MECOM: variants seen among roughly 807,000 people sequenced by gnomAD.
MECOM encodes the protein histone-lysine N-methyltransferase MECOM.
In MECOM, 13 loss-of-function variants were observed where a neutral mutation model predicts 116.3. The ratio of observed to expected loss-of-function variants is 0.11; its 90% CI spans 0.07 to 0.18. The LOEUF is 0.18. Ranked by LOEUF, MECOM falls within the 10% of genes least tolerant of loss-of-function variation. The pLI is 1.00. For synonymous variants in MECOM, 528 were observed against 535.2 expected, an observed-to-expected ratio of 0.99 and a Z score of 0.19; for missense variants, 1,299 against 1,509.0, an observed-to-expected ratio of 0.86 and a Z score of 2.31.
At chr3:169,085,430 C>A (rs1717351284) in intron 16 of MECOM, among the ~76,000 whole-genome samples, 1 of 152,104 alleles carries the variant, frequency 6.6e-6, no homozygotes, top group South Asian at 2.1e-4. Context: ...AAGATATAGA[C>A]CTACCTTGAC....
intron 2 of MECOM, among the ~76,000 whole-genome samples, chr3:169,320,621 G>A (rs1720687062): frequency 6.6e-6 from 1 of 152,222 alleles, no homozygotes; most frequent in African/African-American, 2.4e-5. Context: ...TGGTCCACCA[G>A]TGGAAGAACC....
At chr3:169,477,138 T>TATATATAC (rs1750604751) in intron 1 of MECOM, 1 of 91,598 alleles carries the variant, frequency 1.1e-5, no homozygotes, top group Non-Finnish European at 2.0e-5. Flanking sequence ...TATATATATA[T>TATATATAC]ATATATATAT....
intron 1 of MECOM, among the ~76,000 whole-genome samples, chr3:169,596,553 A>G (rs921083319): frequency 2.6e-5 from 4 of 152,230 alleles, no homozygotes; most frequent in Admixed American, 6.5e-5. Context: ...ACAAGTGATT[A>G]TATCACAATG....
At chr3:169,659,898 A>G (rs911188325) in intron 1 of MECOM, among the ~76,000 whole-genome samples, 1 of 152,092 alleles carries the variant, frequency 6.6e-6, no homozygotes, top group Non-Finnish European at 1.5e-5. Flanking sequence ...GAGCAAGTGT[A>G]GGAGTAACAA....
chr3:169,426,910 C>T (rs187234079), intron 1 of MECOM, among the ~76,000 whole-genome samples: 98 of 152,266 alleles, frequency 6.4e-4, no homozygotes, highest in African/African-American at 2.3e-3. Context: ...TGTATGTATA[C>T]ACGTTAAATC....
intron 10 of MECOM, among the ~76,000 whole-genome samples, chr3:169,107,234 C>A (rs886064512): frequency 6.6e-6 from 1 of 152,006 alleles, no homozygotes; most frequent in East Asian, 1.9e-4. Context: ...ATGTTATTTC[C>A]ACTGACCAGG....
chr3:169,464,098 G>A (rs1178005422), intron 1 of MECOM: 2 of 152,050 alleles, frequency 1.3e-5, no homozygotes, highest in African/African-American at 4.8e-5. Context: ...ACAGCACAAC[G>A]GATGTCAGAG....
intron 2 of MECOM, among the ~76,000 whole-genome samples, chr3:169,257,359 G>A (rs899107209): frequency 2.6e-5 from 4 of 152,164 alleles, no homozygotes; most frequent in Non-Finnish European, 2.9e-5. Flanking sequence ...ATTTGCATGT[G>A]TCTTCCAGAA....
intron 1 of MECOM, among the ~76,000 whole-genome samples, chr3:169,656,210 T>C (rs1192563185): frequency 6.6e-6 from 1 of 152,238 alleles, no homozygotes; most frequent in East Asian, 1.9e-4. Flanking sequence ...CATATACAAC[T>C]AATTCATTTA....
intron 2 of MECOM, among the ~76,000 whole-genome samples, chr3:169,253,739 A>G (rs1756528724): frequency 1.3e-5 from 2 of 152,092 alleles, no homozygotes; most frequent in Non-Finnish European, 2.9e-5. Flanking sequence ...GCTTAACACA[A>G]TTTCATGCCA....
intron 1 of MECOM, among the ~76,000 whole-genome samples, chr3:169,479,881 T>C (rs890352352): frequency 2.0e-5 from 3 of 152,332 alleles, no homozygotes; most frequent in East Asian, 3.9e-4. Flanking sequence ...AAATCTCTTA[T>C]TTTAATACTC....
chr3:169,289,415 A>G (rs1001539111), intron 2 of MECOM, among the ~76,000 whole-genome samples: 1 of 152,314 alleles, frequency 6.6e-6, no homozygotes, highest in Middle Eastern at 3.4e-3. Context: ...ACTTATTTTT[A>G]TGTCCTAATT....
chr3:169,241,961 T>C (rs1263225649), intron 2 of MECOM, among the ~76,000 whole-genome samples: 1 of 152,170 alleles, frequency 6.6e-6, no homozygotes, highest in East Asian at 1.9e-4. Context: ...ATGTAAAAAG[T>C]ATTAGTGCTG....
At chr3:169,305,049 C>G (rs1717414012) in intron 2 of MECOM, among the ~76,000 whole-genome samples, 1 of 152,098 alleles carries the variant, frequency 6.6e-6, no homozygotes, top group African/African-American at 2.4e-5. Flanking sequence ...CAAGACATTT[C>G]TAATCAGAAT....
chr3:169,460,340 C>A (rs1317100360), intron 1 of MECOM, among the ~76,000 whole-genome samples: 2 of 151,904 alleles, frequency 1.3e-5, no homozygotes, highest in Non-Finnish European at 2.9e-5. Context: ...CTTAAAAAGT[C>A]AGTTTGGATT....
intron 1 of MECOM, among the ~76,000 whole-genome samples, chr3:169,625,267 T>C (rs1771228966): frequency 6.6e-6 from 1 of 152,172 alleles, no homozygotes; most frequent in Admixed American, 6.5e-5. Context: ...TCCAATGGAA[T>C]GTGTATTACC....
chr3:169,112,007 A>G (rs1386183112), intron 9 of MECOM, among the ~76,000 whole-genome samples: 1 of 152,168 alleles, frequency 6.6e-6, no homozygotes, highest in Non-Finnish European at 1.5e-5. Flanking sequence ...CTATCTATAA[A>G]GACCAGAGCT....
rs1041028412 is a variant in MECOM at position 169,095,952 on chromosome 3, C to T, written c.2850-707G>A. Among the ~76,000 whole-genome samples the T allele has an allele frequency of 5.3e-5, 8 of 152,140 alleles. 1 individual carries two copies. In the East Asian group the frequency reaches 7.7e-4, roughly 15 times the overall value. ...TATTTTTCATTTCTCTTTTTCTGAACGAGTCTCTAGCAGTCTGAATCAGGT... is the reference window on the plus strand; with the variant it reads ...TATTTTTCATTTCTCTTTTTCTGAATGAGTCTCTAGCAGTCTGAATCAGGT... On this transcript the variant is annotated intron_variant, in intron 12 of 16. Transcript: ENST00000651503.
At chr3:169,135,505 T>A (rs1736084540) in intron 3 of MECOM, among the ~76,000 whole-genome samples, 1 of 151,966 alleles carries the variant, frequency 6.6e-6, no homozygotes, top group East Asian at 1.9e-4. Flanking sequence ...TATAAGAAAA[T>A]AGATTATATG....
Sources: allele counts gnomAD v4.1 joint callset (sites outside exome capture counted in the v4.1 genomes callset), GRCh38; gene constraint gnomAD v4.1.1; transcripts MANE v1.5; gene names NCBI Gene and HGNC (gene_info 2026-07-23, HGNC 2026-07-21).